The following PCDHA1 variants were observed in gnomAD, a reference collection of about 807,000 sequenced individuals.
The protein encoded by PCDHA1 is protocadherin alpha 1.
A neutral mutation model predicts 61.3 loss-of-function variants in PCDHA1; 42 were observed. The observed-to-expected ratio is 0.69, with a 90% CI of 0.54 to 0.89. The LOEUF is 0.89. Ranked by LOEUF, PCDHA1 falls within the 40% of genes least tolerant of loss-of-function variation. The probability of loss-of-function intolerance (pLI) is 0.00; values close to 1 mark genes in which losing one functional copy is unlikely to be tolerated. For synonymous variants in PCDHA1, 610 were observed against 553.8 expected (o/e 1.10, Z -1.43); for missense variants, 1,256 against 1,235.3 (o/e 1.02, Z -0.25).
rs1554206642 is a variant in PCDHA1, at chr5:140,929,061, G to C, written c.2395-49888G>C. The C allele has an allele frequency of 3.1e-6, 5 of 1,614,196 alleles. No individual in the cohort carries two copies. In the South Asian group the frequency reaches 5.5e-5, roughly 18 times the overall value. On this transcript the variant is annotated intron_variant, in intron 1 of 3. Transcript: ENST00000504120. Reference sequence around the variant, plus strand: ...CTCAGAGCTGCTGTCGCTCTACAGAGGATCTGAGGTATGGAAGTAAGATGG... The same window carrying C: ...CTCAGAGCTGCTGTCGCTCTACAGACGATCTGAGGTATGGAAGTAAGATGG...
chr5:140,848,892 T>A (rs2150423742), intron 1 of PCDHA1: 2 of 1,601,494 alleles, frequency 1.2e-6, no homozygotes, highest in East Asian at 2.2e-5. Context: ...CCCTCCAGTG[T>A]TCCCAGCGAC....
intron 1 of PCDHA1, chr5:140,821,822 T>C (rs1390477821): frequency 2.5e-6 from 4 of 1,614,106 alleles, no homozygotes; most frequent in Non-Finnish European, 3.4e-6. Context: ...CTCCTGCTGC[T>C]CTGGCTTCTC....
chr5:140,829,617 C>T (rs1429736622), intron 1 of PCDHA1: 1 of 1,612,166 alleles, frequency 6.2e-7, no homozygotes, highest in East Asian at 2.2e-5. Context: ...AGCTACATTT[C>T]GGTGCACGCG....
intron 1 of PCDHA1, among the ~76,000 whole-genome samples, chr5:140,947,169 G>GTA (rs1235035694): frequency 1.3e-5 from 2 of 150,968 alleles, no homozygotes; most frequent in Non-Finnish European, 3.0e-5. Context: ...AGAAAATGTG[G>GTA]TATATATTCA....
At chr5:140,802,965 G>T (rs577958641) in intron 1 of PCDHA1, 1 of 1,613,874 alleles carries the variant, frequency 6.2e-7, no homozygotes, top group African/African-American at 1.3e-5. Context: ...TGCGGGCCAC[G>T]TGGTAGCGAA....
At position 140,832,108 on chromosome 5, in the gene PCDHA1, G is replaced by A. The variant is rs1023824002; in HGVS notation, c.2394+43424G>A. The stretch of plus-strand genomic sequence containing the variant: ...TTAAATGCCATGTTCTACATTAAAA[G>A]CAATTTAAAATGTGTGTTTCAAAGT... On this transcript the variant is annotated intron_variant, in intron 1 of 3. Transcript: ENST00000504120. Among the ~76,000 whole-genome samples the A allele has an allele frequency of 1.6e-4, 24 of 152,270 alleles. No homozygotes were observed. The South Asian group carries it at 2.3e-3, about 14-fold the overall frequency.
intron 1 of PCDHA1, chr5:140,882,663 T>C (rs782768442): frequency 4.0e-5 from 65 of 1,614,026 alleles, no homozygotes; most frequent in Non-Finnish European, 5.3e-5. Flanking sequence ...AACCCGCCCA[T>C]ATTCCCTGAA....
At chr5:140,941,191 T>TCTTTC (rs1554213808) in intron 1 of PCDHA1, among the ~76,000 whole-genome samples, 2 of 93,206 alleles carry the variant, frequency 2.1e-5, no homozygotes, top group South Asian at 5.6e-4. Flanking sequence ...GCTTCTTTTT[T>TCTTTC]TTTCTTTCTT....
At chr5:140,968,027 C>G in intron 1 of PCDHA1, 2 of 1,614,200 alleles carry the variant, frequency 1.2e-6, no homozygotes, top group Middle Eastern at 1.6e-4. Flanking sequence ...CTCCTATACA[C>G]TGGTGGTGAG....
At chr5:140,864,401 G>T (rs570935613) in intron 1 of PCDHA1, 2 of 152,328 alleles carry the variant, frequency 1.3e-5, no homozygotes, top group South Asian at 4.1e-4. Context: ...ATGGTGATGA[G>T]CAGGGTTGAG....
chr5:140,997,781 C>G (rs1207024588), intron 3 of PCDHA1, among the ~76,000 whole-genome samples: 1 of 151,626 alleles, frequency 6.6e-6, no homozygotes, highest in Non-Finnish European at 1.5e-5. Context: ...TGTTGTATAC[C>G]TATATTATAA....
rs782755765 is a variant in PCDHA1, at chr5:140,869,235, C to T, written c.2394+80551C>T. On this transcript the variant is annotated intron_variant, in intron 1 of 3. Coordinates refer to ENST00000504120, the MANE Select transcript of PCDHA1 (RefSeq NM_018900.4). ...CGGAGGAGGCCAAACACGGCACCTT[C>T]GTGGGCCGCATCGCGCAGGACCTGG... is the stretch of plus-strand genomic sequence containing the variant. 1.2e-5 allele frequency: 19 copies of T among 1,613,568 alleles called. No homozygotes were observed. The South Asian group carries it at 1.5e-4, about 13-fold the overall frequency.
chr5:140,873,436 A>G (rs1159512158), intron 1 of PCDHA1, among the ~76,000 whole-genome samples: 1 of 152,214 alleles, frequency 6.6e-6, no homozygotes, highest in Non-Finnish European at 1.5e-5. Flanking sequence ...TTTATATCAC[A>G]TAAATAACAA....
intron 1 of PCDHA1, among the ~76,000 whole-genome samples, chr5:140,951,082 CTTT>C (rs573059224): frequency 6.6e-6 from 1 of 151,404 alleles, no homozygotes; most frequent in African/African-American, 2.4e-5. Flanking sequence ...TTATATTTTC[CTTT>C]TTTTCTGATA....
chr5:140,842,413 A>G (rs1206715629), intron 1 of PCDHA1: 5 of 1,613,082 alleles, frequency 3.1e-6, no homozygotes, highest in East Asian at 2.2e-5. Flanking sequence ...AAGACGCTCA[A>G]TTTGGTACTG....
chr5:140,975,983 T>A (rs975014640), intron 1 of PCDHA1, among the ~76,000 whole-genome samples: 31 of 152,290 alleles, frequency 2.0e-4, no homozygotes, highest in Admixed American at 2.0e-3. Flanking sequence ...AGCATAGTCC[T>A]GGGAGGTACC....
chr5:140,814,461 TGA>T (rs1462273467), intron 1 of PCDHA1: 22 of 151,788 alleles, frequency 1.4e-4, no homozygotes, highest in Non-Finnish European at 2.4e-4. Context: ...TTTTTTTTTT[TGA>T]GTTAATGTAT....
intron 1 of PCDHA1, among the ~76,000 whole-genome samples, chr5:140,925,108 G>GGAAGGAAGGAA (rs1554202548): frequency 1.6e-5 from 2 of 124,702 alleles, no homozygotes; most frequent in African/African-American, 3.3e-5. Flanking sequence ...GAAGGAAGGA[G>GGAAGGAAGGAA]GGAAGGAAGG....
chr5:140,868,875 C>T (rs1033473828), intron 1 of PCDHA1: 3 of 661,952 alleles, frequency 4.5e-6, no homozygotes, highest in African/African-American at 3.6e-5. Context: ...GTGCACAGTA[C>T]TCACAGTTTT....
Sources: gnomAD v4.1 joint callset for allele counts (sites outside exome capture counted in the v4.1 genomes callset) on GRCh38, gnomAD v4.1.1 for gene constraint, MANE v1.5 for transcripts, NCBI Gene and HGNC (gene_info 2026-07-23, HGNC 2026-07-21) for gene names.